DEPDC7: variants seen among roughly 807,000 people sequenced by gnomAD.
DEPDC7 encodes DEP domain-containing protein 7.
A neutral mutation model predicts 56.6 loss-of-function variants in DEPDC7; 41 were observed. That is an observed-to-expected ratio of 0.72 (90% confidence interval 0.56 to 0.94). DEPDC7 has a LOEUF of 0.94. Among genes scored for constraint, DEPDC7 ranks in the 40% least tolerant of loss-of-function variants. The pLI is 0.00. For missense variants in DEPDC7, 522 were observed against 596.3 expected, an observed-to-expected ratio of 0.88 and a Z score of 1.30; for synonymous variants, 185 against 208.8, an observed-to-expected ratio of 0.89 and a Z score of 0.98.
intron 1 of DEPDC7, among the ~76,000 whole-genome samples, chr11:33,019,373 T>C (rs1168601685): frequency 6.6e-6 from 1 of 151,902 alleles, no homozygotes; most frequent in Non-Finnish European, 1.5e-5. Flanking sequence ...CCTTTAAAAA[T>C]TTTTTTTATG....
chr11:33,023,705 G>T (rs1302603230), intron 1 of DEPDC7, among the ~76,000 whole-genome samples: 5 of 152,064 alleles, frequency 3.3e-5, no homozygotes, highest in African/African-American at 1.2e-4. Context: ...GCCAATTTTT[G>T]TATTTTTAGT....
Position 33,028,775 on chromosome 11 carries a change from G to A in DEPDC7, c.765G>A (p.Lys255=). ...ACTATCTGGATCGAGGGATTCTCAA[G>A]GCTTATAGTGACTCTCAGTATGTGG... ...SSNYLDRGIL[K]AYSDSQEDEW... is the part of the protein sequence containing the mutation. The change falls in exon 4 of 9, where the codon AAG becomes AAA. Residue 255 remains lysine (K), a synonymous_variant. Transcript: ENST00000241051. The A allele has an allele frequency of 6.2e-7, 1 of 1,607,294 alleles. No individual in the cohort carries two copies. Among genetic ancestry groups the A allele is most frequent in the Non-Finnish European group, 8.5e-7 (1 of 1,178,272 alleles).
At chr11:33,016,441 C>T (rs1590205350) in intron 1 of DEPDC7, 2 of 1,573,862 alleles carry the variant, frequency 1.3e-6, no homozygotes, top group African/African-American at 1.4e-5. Flanking sequence ...CTTGACGACA[C>T]AGTATGGCCA....
chr11:33,027,712 C>T lies in DEPDC7; in HGVS notation c.491C>T (p.Ser164Phe). ...ARYADALFKS[S>F]DIRSASLEDL... ...TATGCAGATGCATTATTTAAGTCAT[C>T]CGATATCAGATCAGCCAGTTTAGAG... is the stretch of plus-strand genomic sequence containing the variant. Residue 164 changes from serine (S) to phenylalanine (F), a missense_variant, in exon 3 of 9, where the codon TCC (serine) becomes TTC (phenylalanine). Ser to Phe is a radical substitution (Grantham distance 155). Coordinates refer to ENST00000241051, the MANE Select transcript of DEPDC7 (RefSeq NM_001077242.2). The T allele has an allele frequency of 1.3e-6, 2 of 1,552,362 alleles. No homozygotes were observed. Among genetic ancestry groups the T allele is most frequent in the Non-Finnish European group, 1.7e-6 (2 of 1,158,826 alleles).
intron 1 of DEPDC7, among the ~76,000 whole-genome samples, chr11:33,017,753 T>A (rs931802000): frequency 1.9e-4 from 29 of 152,172 alleles, no homozygotes; most frequent in Non-Finnish European, 2.2e-4. Flanking sequence ...TCTCCACCGA[T>A]TAGTAACTCT....
chr11:33,032,710 A>C lies in DEPDC7; in HGVS notation c.1180A>C (p.Ile394Leu). The change falls in exon 7 of 9, where the codon ATT (isoleucine) becomes CTT (leucine). Residue 394 changes from isoleucine to leucine, a missense_variant. Physicochemically the swap from Ile to Leu is conservative, Grantham distance 5. Coordinates refer to ENST00000241051, the MANE Select transcript of DEPDC7 (RefSeq NM_001077242.2). ...TGTGAAAAGGATATTCTCAAAAGCTATTGTTGACAATAAAAATTTATCCAA... is the reference window on the plus strand; with the variant it reads ...TGTGAAAAGGATATTCTCAAAAGCTCTTGTTGACAATAAAAATTTATCCAA... ...MVVKRIFSKA[I>L]VDNKNLSKGK... The C allele has an allele frequency of 1.2e-6, 2 of 1,605,118 alleles. No individual in the cohort carries two copies. Among genetic ancestry groups the C allele is most frequent in the Non-Finnish European group, 1.7e-6 (2 of 1,174,676 alleles).
At chr11:33,027,189 G>A (rs888122751) in intron 2 of DEPDC7, among the ~76,000 whole-genome samples, 7 of 152,160 alleles carry the variant, frequency 4.6e-5, no homozygotes, top group Non-Finnish European at 7.4e-5. Flanking sequence ...TGATATTTCC[G>A]TGGTAAACAA....
At chr11:33,026,191 C>T (rs1381920257) in intron 2 of DEPDC7, 142 bp downstream of exon 2, 4 of 896,180 alleles carry the variant, frequency 4.5e-6, no homozygotes, top group Admixed American at 2.2e-5. Flanking sequence ...TGATAAAGTG[C>T]GATGAAATTT....
rs767141486 is a variant in DEPDC7, at chr11:33,033,499, T to G, written c.*44T>G. ...TAAGTTGTGTATTTTAAGAATAAATTATGTATCCTAAATATCCAATCACAT... is the reference window on the plus strand; with the variant it reads ...TAAGTTGTGTATTTTAAGAATAAATGATGTATCCTAAATATCCAATCACAT... On this transcript the variant is annotated 3_prime_UTR_variant, in exon 9 of 9. Transcript: ENST00000241051. The G allele has an allele frequency of 7.8e-7, 1 of 1,274,860 alleles. No individual in the cohort carries two copies. The highest frequency in any genetic ancestry group is 1.7e-5 in the South Asian group (1 of 59,972). The allele number at this position is 1,274,860 out of a possible 1,614,324, so 79.0% of individuals were successfully genotyped here. A position where few individuals can be genotyped will look rare whatever the true frequency, so the allele number is the denominator to read the frequency against.
At chr11:33,019,388 G>A (rs1439555138) in intron 1 of DEPDC7, among the ~76,000 whole-genome samples, 2 of 152,038 alleles carry the variant, frequency 1.3e-5, no homozygotes, top group African/African-American at 4.8e-5. Context: ...TTTATGAACG[G>A]GGTGTAGTGG....
rs370729400 is a variant in DEPDC7, at chr11:33,031,476, G to C, written c.881G>C (p.Arg294Pro). ...AGAAGCTTTCCTGAGCAACCAGACC[G>C]AACAGACTTAGTGAAAGAACTTCTG... ...ISRSFPEQPD[R>P]TDLVKELLFD... Residue 294 changes from arginine to proline, a missense_variant, in exon 5 of 9, where the codon CGA (arginine) becomes CCA (proline). By Grantham distance (103) the Arg-to-Pro change is moderately radical. Transcript: ENST00000241051. The C allele has an allele frequency of 2.4e-5, 39 of 1,614,008 alleles. No homozygotes were observed. Among genetic ancestry groups the C allele is most frequent in the Middle Eastern group, 1.6e-4 (1 of 6,084 alleles).
rs752181713 is a variant in DEPDC7 at position 33,032,480 on chromosome 11, TA to T, written c.1137+4del. On this transcript the variant is annotated splice_donor_region_variant and intron_variant, in intron 6 of 8. Coordinates refer to ENST00000241051, the MANE Select transcript of DEPDC7 (RefSeq NM_001077242.2). ...TCTGAGTTTAAATTACAGAAAGAAG[TA>T]AGTCTTTTGTTTAACTGTTAGTTGT... The T allele has an allele frequency of 6.4e-7, 1 of 1,555,074 alleles. No homozygotes were observed. The highest frequency in any genetic ancestry group is 8.6e-7 in the Non-Finnish European group (1 of 1,162,094).
At chr11:33,026,215 G>A in intron 2 of DEPDC7, 166 bp downstream of exon 2, 1 of 694,278 alleles carries the variant, frequency 1.4e-6, no homozygotes, top group Non-Finnish European at 2.5e-6. Flanking sequence ...TAGCTTTATT[G>A]GGTGTCTCCT....
At chr11:33,018,911 AT>A (rs1402257248) in intron 1 of DEPDC7, among the ~76,000 whole-genome samples, 1 of 152,178 alleles carries the variant, frequency 6.6e-6, no homozygotes, top group African/African-American at 2.4e-5. Context: ...ATTTCTGGAC[AT>A]TTTGCGAGAC....
intron 2 of DEPDC7, among the ~76,000 whole-genome samples, chr11:33,027,467 G>A (rs532258396): frequency 6.6e-6 from 1 of 152,292 alleles, no homozygotes; most frequent in Non-Finnish European, 1.5e-5. Flanking sequence ...TTTAGTCATT[G>A]AATTAGTTAA....
chr11:33,016,124 C>A, intron 1 of DEPDC7, 96 bp downstream of exon 1: 1 of 1,241,096 alleles, frequency 8.1e-7, no homozygotes, highest in Non-Finnish European at 1.0e-6. Context: ...GGCGTTCGGC[C>A]GCCTGCGCCT....
chr11:33,029,148 G>C (rs1853607601), intron 4 of DEPDC7, among the ~76,000 whole-genome samples: 1 of 150,864 alleles, frequency 6.6e-6, no homozygotes, highest in African/African-American at 2.4e-5. Flanking sequence ...GAGATCCTTT[G>C]ATTACATATC....
chr11:33,031,458 T>C lies in DEPDC7; in HGVS notation c.863T>C (p.Phe288Ser). 1 of 1,614,186 alleles carries C rather than the reference T, an allele frequency of 6.2e-7. No individual in the cohort carries two copies. The highest frequency in any genetic ancestry group is 2.2e-5 in the East Asian group (1 of 44,872). Residue 288 changes from phenylalanine to serine, a missense_variant, in exon 5 of 9, where the codon TTT becomes TCT. Coordinates refer to ENST00000241051, the MANE Select transcript of DEPDC7 (RefSeq NM_001077242.2). ...ATGGTGGTGGAAATAAGCAGAAGCT[T>C]TCCTGAGCAACCAGACCGAACAGAC... is the stretch of plus-strand genomic sequence containing the variant. Reference protein sequence around the residue: ...DQMVVEISRSFPEQPDRTDLV... With the variant: ...DQMVVEISRSSPEQPDRTDLV...
rs751992521 is a variant in DEPDC7 at position 33,032,370 on chromosome 11, C to G, written c.1029C>G (p.Thr343=). ...NGKTEIALEA[T]QLLLKLLDFQ... is the part of the protein sequence containing the mutation. ...AGACGGAAATAGCTTTAGAAGCTAC[C>G]CAGCTCCTTCTAAAGCTTTTAGATT... Residue 343 remains threonine, a synonymous_variant, in exon 6 of 9, where the codon ACC becomes ACG. Coordinates refer to ENST00000241051, the MANE Select transcript of DEPDC7 (RefSeq NM_001077242.2). 15 of 1,570,782 alleles carry G rather than the reference C, an allele frequency of 9.5e-6. No homozygotes were observed. The Admixed American group carries it at 2.8e-4, about 29-fold the overall frequency.
Sources: gnomAD v4.1 joint callset for allele counts (sites outside exome capture counted in the v4.1 genomes callset) on GRCh38, gnomAD v4.1.1 for gene constraint, MANE v1.5 for transcripts, NCBI Gene and HGNC (gene_info 2026-07-23, HGNC 2026-07-21) for gene names.